The following KIF13A variants were observed in gnomAD, a reference collection of about 807,000 sequenced individuals.
KIF13A encodes the protein kinesin family member 13A.
In KIF13A, 79 loss-of-function variants were observed where a neutral mutation model predicts 212.2. The ratio of observed to expected loss-of-function variants is 0.37; its 90% CI spans 0.31 to 0.45. The LOEUF is 0.45. KIF13A is among the 20% of genes least tolerant of loss of function. KIF13A has a pLI of 1.00. For missense variants in KIF13A, 1,901 were observed against 2,209.0 expected (o/e 0.86, Z 2.79); for synonymous variants, 789 against 808.6 (o/e 0.98, Z 0.41).
At chr6:17,969,997 A>C (rs111329882) in intron 2 of KIF13A, among the ~76,000 whole-genome samples, 1,646 of 150,738 alleles carry the variant, frequency 0.011, 24 homozygotes, top group African/African-American at 0.038. Flanking sequence ...ATCTCGGCTC[A>C]CTGAAAGCTC....
At position 17,825,736 on chromosome 6, in the gene KIF13A, C is replaced by G; in HGVS notation, c.1786+32G>C. On this transcript the variant is annotated intron_variant, in intron 16 of 38. Coordinates refer to ENST00000259711, the MANE Select transcript of KIF13A (RefSeq NM_022113.6). This position sits in a 1 kb window ranked among gnomAD's most constrained non-coding sequence, Gnocchi z 4.5. Reference sequence around the variant, plus strand: ...GAATGGTGTGAGGTGAGGAAATGCCCAAGGCGCTGGAACACAGAGTGAGGG... The same window carrying G: ...GAATGGTGTGAGGTGAGGAAATGCCGAAGGCGCTGGAACACAGAGTGAGGG... 6.3e-7 allele frequency: 1 copy of G among 1,594,212 alleles called. No homozygotes were observed. Among genetic ancestry groups the G allele is most frequent in the Non-Finnish European group, 8.5e-7 (1 of 1,169,838 alleles).
In KIF13A at chr6:17,963,692, G is replaced by A. The variant is rs1348134841; in HGVS notation, c.146+23362C>T. On this transcript the variant is annotated intron_variant, in intron 2 of 38. Coordinates refer to ENST00000259711, the MANE Select transcript of KIF13A (RefSeq NM_022113.6). This position sits in a 1 kb window ranked among gnomAD's most constrained non-coding sequence, Gnocchi z 4.1. ...CTGCCTCAGGCTCCCAAGTAGCTGG[G>A]ATTACAGGCACGCGCCACCACGCCC... 6.6e-6 allele frequency among the ~76,000 whole-genome samples: 1 copy of A among 152,120 alleles called. No individual in the cohort carries two copies. The highest frequency in any genetic ancestry group is 6.5e-5 in the Admixed American group (1 of 15,268).
In KIF13A at chr6:17,785,520, G is replaced by A. The variant is rs565751928; in HGVS notation, c.3483C>T (p.Ala1161=). Residue 1161 remains alanine, a synonymous_variant, in exon 28 of 39, where the codon GCC becomes GCT. Transcript: ENST00000259711. This position sits in a 1 kb window ranked among gnomAD's most constrained non-coding sequence, Gnocchi z 5.8. ...APGSGIPGAP[A]DWIPPPGMET... ...AGAAGGGAGGGCAGCCTTACCAGTCGGCAGGTGCCCCAGGAATCCCACTGC... is the reference window on the plus strand; with the variant it reads ...AGAAGGGAGGGCAGCCTTACCAGTCAGCAGGTGCCCCAGGAATCCCACTGC... The A allele has an allele frequency of 7.0e-6, 11 of 1,573,434 alleles. No individual in the cohort carries two copies. Among genetic ancestry groups the A allele is most frequent in the African/African-American group, 4.1e-5 (3 of 73,898 alleles).
At chr6:17,974,540 G>T (rs1398112018) in intron 2 of KIF13A, among the ~76,000 whole-genome samples, 1 of 152,148 alleles carries the variant, frequency 6.6e-6, no homozygotes, top group South Asian at 2.1e-4. Context: ...TATGTACTTT[G>T]CCCTGTTCAG....
At chr6:17,913,991 C>T (rs1221587598) in intron 2 of KIF13A, among the ~76,000 whole-genome samples, 2 of 152,160 alleles carry the variant, frequency 1.3e-5, no homozygotes, top group Non-Finnish European at 2.9e-5. Context: ...AGGTATGGGC[C>T]ACAATCTCAC....
intron 2 of KIF13A, among the ~76,000 whole-genome samples, chr6:17,938,858 G>A (rs367890039): frequency 2.8e-5 from 4 of 143,296 alleles, no homozygotes; most frequent in Admixed American, 2.1e-4. Flanking sequence ...CGAAAAAGTT[G>A]TGTTGTTATA....
chr6:17,831,082 T>C lies in KIF13A; in HGVS notation c.1401+19A>G. ...TAGGAATGAATCTTGATTGCATATGTATTTATATGTTCTCCTACCTTTAAA... is the reference window on the plus strand; with the variant it reads ...TAGGAATGAATCTTGATTGCATATGCATTTATATGTTCTCCTACCTTTAAA... On this transcript the variant is annotated intron_variant, in intron 13 of 38. Coordinates refer to ENST00000259711, the MANE Select transcript of KIF13A (RefSeq NM_022113.6). The C allele has an allele frequency of 6.2e-7, 1 of 1,603,458 alleles. No homozygotes were observed. Among genetic ancestry groups the C allele is most frequent in the South Asian group, 1.1e-5 (1 of 89,074 alleles).
Position 17,855,588 on chromosome 6 carries a change from G to T in KIF13A, c.343C>A (p.His115Asn). The change falls in exon 6 of 39, where the codon CAT (histidine) becomes AAT (asparagine). Residue 115 changes from histidine to asparagine, a missense_variant. By Grantham distance (68) the His-to-Asn change is moderately conservative (BLOSUM62 1). Transcript: ENST00000259711. The surrounding 1 kb of genome is among the most constrained non-coding windows in gnomAD (Gnocchi z 4.1). Reference sequence around the variant, plus strand: ...GGAATAAGGCCCAGCTGCTCAGCATGGCCCATCATGGAAAAGGATTTTCCC... The same window carrying T: ...GGAATAAGGCCCAGCTGCTCAGCATTGCCCATCATGGAAAAGGATTTTCCC... ...GSGKSFSMMG[H>N]AEQLGLIPRL... is the part of the protein sequence containing the mutation. 1 of 1,603,532 alleles carries T rather than the reference G, an allele frequency of 6.2e-7. No individual in the cohort carries two copies. The highest frequency in any genetic ancestry group is 8.5e-7 in the Non-Finnish European group (1 of 1,177,348).
Position 17,808,871 on chromosome 6 carries a change from G to T in KIF13A, c.2060C>A (p.Thr687Asn), listed in dbSNP as rs1189693919. 1 of 1,613,608 alleles carries T rather than the reference G, an allele frequency of 6.2e-7. No homozygotes were observed. Among genetic ancestry groups the T allele is most frequent in the Admixed American group, 1.7e-5 (1 of 59,968 alleles). The change falls in exon 18 of 39, where the codon ACC becomes AAC. Residue 687 changes from threonine (T) to asparagine (N), a missense_variant. Coordinates refer to ENST00000259711, the MANE Select transcript of KIF13A (RefSeq NM_022113.6). The stretch of plus-strand genomic sequence containing the variant: ...CAGGAAGTTTGCTTCCCTCACCAAG[G>T]TATTAGCTTTAACCAGCTGCTCTCG... ...KLREQLVKAN[T>N]LVREANFLAE...
At chr6:17,979,753 G>T (rs979990930) in intron 2 of KIF13A, among the ~76,000 whole-genome samples, 1 of 145,004 alleles carries the variant, frequency 6.9e-6, no homozygotes, top group African/African-American at 2.5e-5. Flanking sequence ...CAAGAAACAA[G>T]AATAAGATGG....
chr6:17,884,434 G>A (rs1352529428), intron 3 of KIF13A, among the ~76,000 whole-genome samples: 1 of 152,146 alleles, frequency 6.6e-6, no homozygotes, highest in East Asian at 1.9e-4. Context: ...TCACCAAGCT[G>A]GAAGGTTTTC....
At chr6:17,793,765 T>C (rs1460290544) in intron 25 of KIF13A, among the ~76,000 whole-genome samples, 1 of 151,628 alleles carries the variant, frequency 6.6e-6, no homozygotes, top group East Asian at 2.0e-4. Context: ...AATAAAAGAA[T>C]CAGCTGGGCG....
In KIF13A at chr6:17,881,695, C is replaced by CA. The variant is rs1438629829; in HGVS notation, c.160-8259dup. On this transcript the variant is annotated intron_variant, in intron 3 of 38. Transcript: ENST00000259711. ...CTGGCGACAGAGCTAGACTGTGTCT[C>CA]AAAAAAAAGCAGCAGCAATGGCCAG... The CA allele has an allele frequency of 1.8e-4, 59 of 322,528 alleles. No homozygotes were observed. In the East Asian group the frequency reaches 3.1e-3, roughly 17 times the overall value. 20.0% of individuals were successfully genotyped at this position (322,528 alleles called of 1,614,324 possible).
intron 2 of KIF13A, among the ~76,000 whole-genome samples, chr6:17,906,086 T>A (rs1443354069): frequency 6.6e-6 from 1 of 152,130 alleles, no homozygotes. Flanking sequence ...TCAAAAACTT[T>A]AAGTTCCAAG....
chr6:17,946,515 C>A (rs1049630743), intron 2 of KIF13A, among the ~76,000 whole-genome samples: 1 of 151,218 alleles, frequency 6.6e-6, no homozygotes, highest in Non-Finnish European at 1.5e-5. Context: ...AAATGAATGG[C>A]CGATAAAATA....
chr6:17,885,453 G>C (rs1771459521), intron 3 of KIF13A, among the ~76,000 whole-genome samples: 1 of 152,164 alleles, frequency 6.6e-6, no homozygotes, highest in Non-Finnish European at 1.5e-5. Flanking sequence ...ATTACAGTCG[G>C]CATGGACTGA....
chr6:17,782,680 G>A (rs1246111733), intron 29 of KIF13A, among the ~76,000 whole-genome samples: 1 of 130,236 alleles, frequency 7.7e-6, no homozygotes, highest in East Asian at 2.2e-4. Context: ...TTAGAATTTT[G>A]CTGCTTTCTG....
chr6:17,820,840 C>T (rs997034571), intron 16 of KIF13A, among the ~76,000 whole-genome samples: 5 of 151,914 alleles, frequency 3.3e-5, no homozygotes, highest in African/African-American at 1.2e-4. Context: ...GAAAAAATGG[C>T]GGTGGTAGTG....
At chr6:17,931,241 T>G (rs1434631071) in intron 2 of KIF13A, among the ~76,000 whole-genome samples, 3 of 152,242 alleles carry the variant, frequency 2.0e-5, no homozygotes, top group African/African-American at 7.2e-5. Flanking sequence ...TTTGTCTTAT[T>G]TTGCTACCTT....
Sources: allele counts gnomAD v4.1 joint callset (sites outside exome capture counted in the v4.1 genomes callset), GRCh38; gene constraint gnomAD v4.1.1; non-coding constraint Gnocchi (gnomAD v3.1); transcripts MANE v1.5; gene names NCBI Gene and HGNC (gene_info 2026-07-23, HGNC 2026-07-21).